Variants in FERMT3 observed in about 807,000 individuals in gnomAD.
FERMT3 encodes the protein fermitin family homolog 3.
FERMT3 carries 33 observed loss-of-function variants against 80.8 expected under a neutral mutation model. The observed-to-expected ratio is 0.41, with a 90% CI of 0.31 to 0.55. The LOEUF (loss-of-function observed/expected upper bound fraction) is 0.55, where lower values mean the gene tolerates loss of function less well. Ranked by LOEUF, FERMT3 falls within the 20% of genes least tolerant of loss-of-function variation. The pLI is 0.31. For missense variants in FERMT3, 754 were observed against 908.7 expected (o/e 0.83, Z 2.19); for synonymous variants, 375 against 372.2 (o/e 1.01, Z -0.09).
chr11:64,212,074 G>T (rs909061853), intron 6 of FERMT3, among the ~76,000 whole-genome samples: 2 of 152,206 alleles, frequency 1.3e-5, no homozygotes, highest in African/African-American at 4.8e-5. Flanking sequence ...CCCCTGAGAA[G>T]TCTGGGGCTC....
chr11:64,206,482 G>A (rs921810493), upstream of FERMT3, among the ~76,000 whole-genome samples: 1 of 152,240 alleles, frequency 6.6e-6, no homozygotes, highest in Admixed American at 6.5e-5. Context: ...CACACAGCCG[G>A]GGGACTTGTT....
chr11:64,218,377 C>T (rs1242825429), intron 6 of FERMT3, among the ~76,000 whole-genome samples: 1 of 152,086 alleles, frequency 6.6e-6, no homozygotes, highest in African/African-American at 2.4e-5. Context: ...AATTACAGCT[C>T]ACTGCACCCT....
At chr11:64,220,187 C>T (rs568874727) in intron 10 of FERMT3, 33 bp from the exon 11 acceptor site, 31 of 1,606,120 alleles carry the variant, frequency 1.9e-5, no homozygotes, top group East Asian at 6.7e-5. Context: ...CTTCCCCTCC[C>T]GACCTCCTAG....
intron 13 of FERMT3, 52 bp from the exon 14 acceptor site, chr11:64,222,996 C>A: frequency 6.2e-7 from 1 of 1,610,140 alleles, no homozygotes; most frequent in Non-Finnish European, 8.5e-7. Context: ...TCTGGGCGGG[C>A]TCTGGCCATG....
At position 64,211,662 on chromosome 11, in the gene FERMT3, G is replaced by A. The variant is rs892030184; in HGVS notation, c.701G>A (p.Arg234Gln). The A allele has an allele frequency of 8.7e-6, 14 of 1,613,990 alleles. No individual in the cohort carries two copies. Among genetic ancestry groups the A allele is most frequent in the Non-Finnish European group, 1.2e-5 (14 of 1,180,042 alleles). ...CGGCCCAGGTGGCTGGACTCGTCGC[G>A]GTGTCTCATGCAGCAGGGCATCAAG... is the stretch of plus-strand genomic sequence containing the variant. ...QLHSRWLDSS[R>Q]CLMQQGIKAG... The change falls in exon 6 of 15, where the codon CGG (arginine) becomes CAG (glutamine). Residue 234 changes from arginine to glutamine, a missense_variant. Physicochemically the swap from Arg to Gln is conservative, Grantham distance 43. Coordinates refer to ENST00000345728, the MANE Select transcript of FERMT3 (RefSeq NM_031471.6). This position sits in a 1 kb window ranked among gnomAD's most constrained non-coding sequence, Gnocchi z 4.7.
intron 2 of FERMT3, chr11:64,207,738 C>G: frequency 1.7e-6 from 1 of 594,264 alleles, no homozygotes; most frequent in Non-Finnish European, 2.9e-6. Flanking sequence ...TGCAGCTGGT[C>G]TGCTAAGGAT....
rs1565290495 is a variant in FERMT3, at chr11:64,211,239, G to A, written c.515-36G>A. 1 of 1,612,060 alleles carries A rather than the reference G, an allele frequency of 6.2e-7. No individual in the cohort carries two copies. The highest frequency in any genetic ancestry group is 1.7e-5 in the Admixed American group (1 of 59,940). ...GCCGGCCCGTGAGTCCCAGCCCTGG[G>A]GGACAGGCCTGGTTGACTCCCAACC... is the stretch of plus-strand genomic sequence containing the variant. On this transcript the variant is annotated intron_variant, in intron 4 of 14. Coordinates refer to ENST00000345728, the MANE Select transcript of FERMT3 (RefSeq NM_031471.6). The surrounding 1 kb of genome is among the most constrained non-coding windows in gnomAD (Gnocchi z 4.7).
In FERMT3 at chr11:64,211,770, C is replaced by T. The variant is rs745645049; in HGVS notation, c.786+23C>T. 1.2e-5 allele frequency: 19 copies of T among 1,610,664 alleles called. No individual in the cohort carries two copies. The highest frequency in any genetic ancestry group is 6.7e-5 in the African/African-American group (5 of 74,828). ...AAGGTGGGTCGGGGCAGGGAGAAAG[C>T]GGGCCTCAGGTCCATGAGATGTGGA... On this transcript the variant is annotated intron_variant, in intron 6 of 14. Transcript: ENST00000345728. This position sits in a 1 kb window ranked among gnomAD's most constrained non-coding sequence, Gnocchi z 4.7.
At chr11:64,209,793 G>T (rs1035584182) in intron 2 of FERMT3, among the ~76,000 whole-genome samples, 1 of 152,284 alleles carries the variant, frequency 6.6e-6, no homozygotes, top group African/African-American at 2.4e-5. Flanking sequence ...AGGAAACAGG[G>T]CTTTGCAAAC....
At position 64,211,498 on chromosome 11, in the gene FERMT3, C is replaced by T; in HGVS notation, c.683+55C>T. On this transcript the variant is annotated intron_variant, in intron 5 of 14. Coordinates refer to ENST00000345728, the MANE Select transcript of FERMT3 (RefSeq NM_031471.6). This position sits in a 1 kb window ranked among gnomAD's most constrained non-coding sequence, Gnocchi z 4.7. ...AGGGCTCCCCCACCCAGGATCCACC[C>T]CCTGTCCCGTGTCTGTGCCCACCCC... 1.3e-6 allele frequency: 2 copies of T among 1,534,984 alleles called. No homozygotes were observed. Among genetic ancestry groups the T allele is most frequent in the South Asian group, 1.2e-5 (1 of 84,586 alleles).
rs781076364 is a variant in FERMT3, at chr11:64,219,566, C to T, written c.937C>T (p.Pro313Ser). Reference protein sequence around the residue: ...KLSQSGEVGEPAGTDPGLDDL... With the variant: ...KLSQSGEVGESAGTDPGLDDL... ...GTCCCAGAGCGGGGAGGTGGGGGAG[C>T]CGGCTGGCACAGACCCAGGGCTGGA... Residue 313 changes from proline (P) to serine (S), a missense_variant, in exon 8 of 15, where the codon CCG (proline) becomes TCG (serine). Physicochemically the swap from Pro to Ser is moderately conservative, Grantham distance 74. Coordinates refer to ENST00000345728, the MANE Select transcript of FERMT3 (RefSeq NM_031471.6). The surrounding 1 kb of genome is among the most constrained non-coding windows in gnomAD (Gnocchi z 4.0). 6.2e-7 allele frequency: 1 copy of T among 1,611,934 alleles called. No homozygotes were observed. Among genetic ancestry groups the T allele is most frequent in the Non-Finnish European group, 8.5e-7 (1 of 1,179,798 alleles).
At position 64,210,763 on chromosome 11, in the gene FERMT3, C is replaced by T. The variant is rs1234891134; in HGVS notation, c.313C>T (p.Pro105Ser). Residue 105 changes from proline (P) to serine (S), a missense_variant, in exon 3 of 15, where the codon CCC becomes TCC. Coordinates refer to ENST00000345728, the MANE Select transcript of FERMT3 (RefSeq NM_031471.6). This position sits in a 1 kb window ranked among gnomAD's most constrained non-coding sequence, Gnocchi z 4.3. ...GCACCGGCCCGTCATCCTTCGGTTG[C>T]CCAACCGCCGCGCACTGCGCCTCCG... ...PQHRPVILRL[P>S]NRRALRLRAS... 5 of 1,614,030 alleles carry T rather than the reference C, an allele frequency of 3.1e-6. No individual in the cohort carries two copies. Among genetic ancestry groups the T allele is most frequent in the Non-Finnish European group, 4.2e-6 (5 of 1,180,034 alleles).
intron 1 of FERMT3, 82 bp downstream of exon 1, chr11:64,206,896 GC>G (rs1946321955): frequency 6.2e-6 from 1 of 160,850 alleles, no homozygotes; most frequent in African/African-American, 2.4e-5. Context: ...CTCTCGCCAT[GC>G]GGCAGCCTGA....
chr11:64,207,577 G>C (rs1169591577), intron 2 of FERMT3, 53 bp downstream of exon 2: 2 of 1,564,958 alleles, frequency 1.3e-6, no homozygotes, highest in African/African-American at 2.7e-5. Context: ...GGCCGCCACG[G>C]GTGTCTCTGG....
rs1426789778 is a variant in FERMT3 at position 64,210,293 on chromosome 11, G to A, written c.161-318G>A. 6.6e-6 allele frequency among the ~76,000 whole-genome samples: 1 copy of A among 152,216 alleles called. No individual in the cohort carries two copies. The highest frequency in any genetic ancestry group is 6.5e-5 in the Admixed American group (1 of 15,286). On this transcript the variant is annotated intron_variant, in intron 2 of 14. Coordinates refer to ENST00000345728, the MANE Select transcript of FERMT3 (RefSeq NM_031471.6). This position sits in a 1 kb window ranked among gnomAD's most constrained non-coding sequence, Gnocchi z 4.3. ...CGTGGATTATGGGAGGACAGAGGGG[G>A]CGTCATGTGGAGGGAGCCCAGTGGG...
At position 64,219,842 on chromosome 11, in the gene FERMT3, G is replaced by A. The variant is rs200818339; in HGVS notation, c.1080-49G>A. 3 of 1,613,888 alleles carry A rather than the reference G, an allele frequency of 1.9e-6. No homozygotes were observed. Among genetic ancestry groups the A allele is most frequent in the Admixed American group, 1.7e-5 (1 of 60,018 alleles). ...CTGCTGGAGGGGTTGGTCTGCATAT[G>A]GAGGGAGGGGGTGAGGCGGCCTTTC... On this transcript the variant is annotated intron_variant, in intron 9 of 14. Transcript: ENST00000345728. This position sits in a 1 kb window ranked among gnomAD's most constrained non-coding sequence, Gnocchi z 4.0.
At chr11:64,218,043 G>A (rs1332669040) in intron 6 of FERMT3, among the ~76,000 whole-genome samples, 1 of 126,356 alleles carries the variant, frequency 7.9e-6, no homozygotes, top group East Asian at 2.3e-4. Context: ...TCGCTCTGTC[G>A]CCCAGGCTGG....
chr11:64,210,836 GCCT>G lies in FERMT3; in HGVS notation c.391_393del (p.Leu131del). 5 of 1,611,856 alleles carry G rather than the reference GCCT, an allele frequency of 3.1e-6. No individual in the cohort carries two copies. Among genetic ancestry groups the G allele is most frequent in the Non-Finnish European group, 3.4e-6 (4 of 1,179,988 alleles). On this transcript the variant is annotated inframe_deletion, in exon 3 of 15. Coordinates refer to ENST00000345728, the MANE Select transcript of FERMT3 (RefSeq NM_031471.6). This position sits in a 1 kb window ranked among gnomAD's most constrained non-coding sequence, Gnocchi z 4.3. ...TTCCAGGCTGTGGCTGCCATCTGCCGCCTCCTCAGTAAGTTGCCCGGCTGATTC... is the reference window on the plus strand; with the variant it reads ...TTCCAGGCTGTGGCTGCCATCTGCCGCCTCAGTAAGTTGCCCGGCTGATTC...
At chr11:64,216,057 C>G (rs1215457182) in intron 6 of FERMT3, among the ~76,000 whole-genome samples, 1 of 152,062 alleles carries the variant, frequency 6.6e-6, no homozygotes, top group Non-Finnish European at 1.5e-5. Flanking sequence ...GTCTCACACT[C>G]CTGACCTCAA....
Sources: gnomAD v4.1 joint callset for allele counts (sites outside exome capture counted in the v4.1 genomes callset) on GRCh38, gnomAD v4.1.1 for gene constraint, Gnocchi (gnomAD v3.1) non-coding constraint, MANE v1.5 for transcripts, NCBI Gene and HGNC (gene_info 2026-07-23, HGNC 2026-07-21) for gene names.